The following NLGN1 variants were observed in gnomAD, a reference collection of about 807,000 sequenced individuals.
NLGN1 encodes the protein neuroligin 1.
NLGN1 carries 12 observed loss-of-function variants against 65.5 expected under a neutral mutation model. The observed-to-expected ratio is 0.18, with a 90% CI of 0.12 to 0.30. The LOEUF (loss-of-function observed/expected upper bound fraction) is 0.30. Ranked by LOEUF, NLGN1 falls within the 10% of genes least tolerant of loss-of-function variation. NLGN1 has a pLI of 1.00. For synonymous variants in NLGN1, 350 were observed against 359.5 expected (o/e 0.97, Z 0.30); for missense variants, 750 against 1,007.1 (o/e 0.74, Z 3.46).
chr3:174,265,216 A>C (rs1747805924), intron 4 of NLGN1, among the ~76,000 whole-genome samples: 1 of 151,612 alleles, frequency 6.6e-6, no homozygotes, highest in Middle Eastern at 3.4e-3. Context: ...ACCTAGTTCG[A>C]GCTTCCCAGC....
intron 4 of NLGN1, among the ~76,000 whole-genome samples, chr3:173,973,574 A>G (rs908948815): frequency 6.6e-6 from 1 of 152,068 alleles, no homozygotes; most frequent in African/African-American, 2.4e-5. Context: ...AACACTTTAA[A>G]TGTTTCTTTG....
chr3:174,120,256 G>C (rs1049089934), intron 4 of NLGN1, among the ~76,000 whole-genome samples: 10 of 152,056 alleles, frequency 6.6e-5, no homozygotes, highest in African/African-American at 1.4e-4. Context: ...GGGAGGCCGA[G>C]GCAGGCAGAT....
At chr3:174,235,452 A>G (rs1354456649) in intron 4 of NLGN1, among the ~76,000 whole-genome samples, 1 of 152,158 alleles carries the variant, frequency 6.6e-6, no homozygotes, top group African/African-American at 2.4e-5. Flanking sequence ...GTTCTACTCT[A>G]TATCTGTGTG....
At chr3:173,837,339 T>C (rs762376317) in intron 4 of NLGN1, among the ~76,000 whole-genome samples, 4 of 152,256 alleles carry the variant, frequency 2.6e-5, no homozygotes, top group Non-Finnish European at 5.9e-5. Context: ...TTTTCATTAA[T>C]TTAAAAGTGT....
At chr3:173,920,001 T>C (rs1002471354) in intron 4 of NLGN1, among the ~76,000 whole-genome samples, 2 of 152,042 alleles carry the variant, frequency 1.3e-5, no homozygotes, top group African/African-American at 4.8e-5. Flanking sequence ...AAAAATATTT[T>C]AGTCATAGGA....
intron 3 of NLGN1, among the ~76,000 whole-genome samples, chr3:173,645,331 G>T (rs77975900): frequency 6.6e-6 from 1 of 152,136 alleles, no homozygotes; most frequent in Non-Finnish European, 1.5e-5. Context: ...GGGGGCCCCC[G>T]TAGTGCTGGA....
intron 4 of NLGN1, among the ~76,000 whole-genome samples, chr3:174,212,355 C>G (rs943343238): frequency 6.6e-6 from 1 of 152,228 alleles, no homozygotes; most frequent in Non-Finnish European, 1.5e-5. Context: ...GCGCCTCTCC[C>G]TCCACACCTC....
chr3:174,222,934 G>T (rs1738931163), intron 4 of NLGN1, among the ~76,000 whole-genome samples: 1 of 152,056 alleles, frequency 6.6e-6, no homozygotes, highest in Non-Finnish European at 1.5e-5. Flanking sequence ...TTCTGAGGTT[G>T]TACTTTACAT....
chr3:173,753,525 TA>T (rs1440872450), intron 3 of NLGN1, among the ~76,000 whole-genome samples: 1 of 152,146 alleles, frequency 6.6e-6, no homozygotes, highest in Non-Finnish European at 1.5e-5. Flanking sequence ...GTCTTCCTAC[TA>T]AATCCACCCT....
At chr3:173,621,133 G>A (rs994309818) in intron 3 of NLGN1, among the ~76,000 whole-genome samples, 1 of 152,096 alleles carries the variant, frequency 6.6e-6, no homozygotes, top group Non-Finnish European at 1.5e-5. Flanking sequence ...TACTCAAAAT[G>A]TGATATAAAG....
chr3:174,195,031 T>C (rs4894651), intron 4 of NLGN1, among the ~76,000 whole-genome samples: 80,687 of 151,800 alleles, frequency 0.53, 22,180 homozygotes, highest in East Asian at 0.83. Context: ...CTGGCTAATT[T>C]TGTATTTTTA....
chr3:174,168,514 ATC>A (rs1727947300), intron 4 of NLGN1, among the ~76,000 whole-genome samples: 1 of 152,102 alleles, frequency 6.6e-6, no homozygotes, highest in Non-Finnish European at 1.5e-5. Context: ...CTCTATGCAC[ATC>A]TTTCAGCAGG....
intron 4 of NLGN1, among the ~76,000 whole-genome samples, chr3:174,001,684 A>G (rs967288888): frequency 3.9e-5 from 6 of 152,190 alleles, no homozygotes; most frequent in Non-Finnish European, 8.8e-5. Flanking sequence ...GGATTAAATA[A>G]AACAGATAAT....
intron 4 of NLGN1, among the ~76,000 whole-genome samples, chr3:174,112,441 T>A (rs1330846191): frequency 2.6e-5 from 4 of 151,772 alleles, no homozygotes. Flanking sequence ...AGAAAAAAAA[T>A]GTGAGAGAAG....
At chr3:173,625,348 C>T (rs562137720) in intron 3 of NLGN1, among the ~76,000 whole-genome samples, 1 of 152,178 alleles carries the variant, frequency 6.6e-6, no homozygotes, top group East Asian at 1.9e-4. Context: ...CCCCTCCCCC[C>T]AGCACACGTA....
At chr3:173,402,923 T>C (rs1016081777) in intron 1 of NLGN1, among the ~76,000 whole-genome samples, 25 of 152,132 alleles carry the variant, frequency 1.6e-4, no homozygotes, top group African/African-American at 5.1e-4. Context: ...TGGACTTGGC[T>C]GCTTCACACA....
At chr3:174,212,386 G>T (rs1267621922) in intron 4 of NLGN1, among the ~76,000 whole-genome samples, 1 of 152,232 alleles carries the variant, frequency 6.6e-6, no homozygotes, top group African/African-American at 2.4e-5. Flanking sequence ...GAGGGAGTGG[G>T]CTCCAGCCTT....
chr3:174,041,514 G>A (rs1034355220), intron 4 of NLGN1, among the ~76,000 whole-genome samples: 1 of 152,090 alleles, frequency 6.6e-6, no homozygotes, highest in Admixed American at 6.6e-5. Context: ...GAATGGAATT[G>A]CTGTGAGATA....
intron 4 of NLGN1, among the ~76,000 whole-genome samples, chr3:174,113,451 A>G (rs944737123): frequency 2.0e-5 from 3 of 152,070 alleles, no homozygotes; most frequent in Admixed American, 6.6e-5. Flanking sequence ...ATTCAAATGT[A>G]TTCTACTCTA....
Sources: allele counts gnomAD v4.1 joint callset (sites outside exome capture counted in the v4.1 genomes callset), GRCh38; gene constraint gnomAD v4.1.1; transcripts MANE v1.5; gene names NCBI Gene and HGNC (gene_info 2026-07-23, HGNC 2026-07-21).